The following GMEB2 variants were observed in gnomAD, a reference collection of about 807,000 sequenced individuals.
GMEB2 encodes glucocorticoid modulatory element binding protein 2, also known as glucocorticoid modulatory element-binding protein 2.
In GMEB2, 7 loss-of-function variants were observed where a neutral mutation model predicts 45.7. The observed-to-expected ratio is 0.15, with a 90% CI of 0.09 to 0.29. The LOEUF is 0.29. Among genes scored for constraint, GMEB2 ranks in the 10% least tolerant of loss-of-function variants. The pLI, the probability that GMEB2 is intolerant of heterozygous loss-of-function variation, is 1.00. For missense variants in GMEB2, 582 were observed against 739.2 expected (o/e 0.79, Z 2.47); for synonymous variants, 322 against 323.6 (o/e 1.00, Z 0.05).
intron 2 of GMEB2, among the ~76,000 whole-genome samples, chr20:63,610,334 A>C (rs2089559620): frequency 6.6e-6 from 1 of 152,186 alleles, no homozygotes; most frequent in South Asian, 2.1e-4. Context: ...ATCCTGGCTA[A>C]CACGGTGAAA....
intron 1 of GMEB2, among the ~76,000 whole-genome samples, chr20:63,626,698 G>A (rs1159284414): frequency 3.3e-5 from 5 of 151,250 alleles, no homozygotes; most frequent in East Asian, 1.9e-4. Context: ...GCCGCTGGAG[G>A]CCGAGCCCGC....
Position 63,608,921 on chromosome 20 carries a change from C to T in GMEB2, c.132-4081G>A, listed in dbSNP as rs2089543246. ...CTGACCTCACCTCCATTTCTAGAAACATGCCCCTGTGACCCCACCTCCATT... is the reference window on the plus strand; with the variant it reads ...CTGACCTCACCTCCATTTCTAGAAATATGCCCCTGTGACCCCACCTCCATT... On this transcript the variant is annotated intron_variant, in intron 2 of 9. Coordinates refer to ENST00000370077, the MANE Select transcript of GMEB2 (RefSeq NM_012384.5). Among the ~76,000 whole-genome samples, 2 of 25,340 alleles carry T rather than the reference C, an allele frequency of 7.9e-5. 1 individual carries two copies. Among genetic ancestry groups the T allele is most frequent in the Non-Finnish European group, 3.6e-4 (2 of 5,518 alleles). 16.6% of individuals were successfully genotyped at this position (25,340 alleles called of 152,430 possible).
chr20:63,595,005 G>A (rs1414647454), intron 6 of GMEB2, among the ~76,000 whole-genome samples: 4 of 152,164 alleles, frequency 2.6e-5, no homozygotes, highest in Non-Finnish European at 5.9e-5. Flanking sequence ...AAAGTGCTGG[G>A]GTTACAGGTG....
At chr20:63,625,577 C>T (rs1289254635) in intron 1 of GMEB2, among the ~76,000 whole-genome samples, 1 of 151,738 alleles carries the variant, frequency 6.6e-6, no homozygotes, top group Non-Finnish European at 1.5e-5. Flanking sequence ...TTAGGTAAAT[C>T]AGATATGAGA....
intron 4 of GMEB2, among the ~76,000 whole-genome samples, chr20:63,599,823 T>C (rs1161616769): frequency 6.6e-6 from 1 of 152,180 alleles, no homozygotes; most frequent in African/African-American, 2.4e-5. Flanking sequence ...GTCTGCCCCC[T>C]TGCCCCCGCC....
rs1011056743 is a variant in GMEB2, at chr20:63,588,444, G to C, written c.*1645C>G. The C allele has an allele frequency of 4.0e-6, 1 of 248,980 alleles. No individual in the cohort carries two copies. Among genetic ancestry groups the C allele is most frequent in the South Asian group, 1.8e-4 (1 of 5,684 alleles). The allele number at this position is 248,980 out of a possible 1,614,324, so 15.4% of individuals were successfully genotyped here. ...CGCTGCATGCTGCAGAACTCAACTA[G>C]AGTGGAAATGAGTTTAAAACGGAGT... On this transcript the variant is annotated 3_prime_UTR_variant, in exon 10 of 10. Coordinates refer to ENST00000370077, the MANE Select transcript of GMEB2 (RefSeq NM_012384.5).
In GMEB2 at chr20:63,611,079, G is replaced by A. The variant is rs537980900; in HGVS notation, c.132-6239C>T. Among the ~76,000 whole-genome samples the A allele has an allele frequency of 1.2e-4, 19 of 152,342 alleles. No individual in the cohort carries two copies. In the East Asian group the frequency reaches 3.5e-3, roughly 28 times the overall value. ...CCTTAAGAAATGACCAGTGTCTGCTGCTTTAAGCCACCAAGCTCTGCGGTG... is the reference window on the plus strand; with the variant it reads ...CCTTAAGAAATGACCAGTGTCTGCTACTTTAAGCCACCAAGCTCTGCGGTG... On this transcript the variant is annotated intron_variant, in intron 2 of 9. Coordinates refer to ENST00000370077, the MANE Select transcript of GMEB2 (RefSeq NM_012384.5).
intron 5 of GMEB2, among the ~76,000 whole-genome samples, chr20:63,596,566 T>G (rs2083202285): frequency 6.6e-6 from 1 of 152,176 alleles, no homozygotes; most frequent in Non-Finnish European, 1.5e-5. Context: ...CAGAGGCCAG[T>G]TCAGCTGGAC....
chr20:63,625,934 G>A (rs970136758), intron 1 of GMEB2, among the ~76,000 whole-genome samples: 2 of 152,112 alleles, frequency 1.3e-5, no homozygotes, highest in Admixed American at 1.3e-4. Context: ...TGACCGGCAC[G>A]GTCAACACTG....
chr20:63,597,016 C>CA (rs11379460), intron 5 of GMEB2, among the ~76,000 whole-genome samples: 77,517 of 149,768 alleles, frequency 0.52, 20,773 homozygotes, highest in Middle Eastern at 0.66. Flanking sequence ...GACTCCCTCT[C>CA]AAAAAAAAAG....
At position 63,619,718 on chromosome 20, in the gene GMEB2, C is replaced by T. The variant is rs2146093258; in HGVS notation, c.-57-264G>A. The T allele has an allele frequency of 5.1e-6, 1 of 195,780 alleles. No homozygotes were observed. The highest frequency in any genetic ancestry group is 1.5e-4 in the East Asian group (1 of 6,630). The allele number at this position is 195,780 out of a possible 1,614,324, so 12.1% of individuals were successfully genotyped here. On this transcript the variant is annotated intron_variant, in intron 1 of 9. Coordinates refer to ENST00000370077, the MANE Select transcript of GMEB2 (RefSeq NM_012384.5). The surrounding 1 kb of genome is among the most constrained non-coding windows in gnomAD (Gnocchi z 4.6). ...AGAGCCACTCCCTCCACGTGGGGCT[C>T]AGAGCAGGAGGACAGGAGGGGCCTG...
chr20:63,594,959 G>C (rs2083181444), intron 6 of GMEB2, among the ~76,000 whole-genome samples: 2 of 152,292 alleles, frequency 1.3e-5, no homozygotes, highest in South Asian at 4.1e-4. Context: ...CTGTTGGCCA[G>C]GCTGGCCTCA....
At chr20:63,595,492 C>T in intron 6 of GMEB2, 118 bp downstream of exon 6, 1 of 850,938 alleles carries the variant, frequency 1.2e-6, no homozygotes, top group Non-Finnish European at 1.8e-6. Context: ...AGGCAGGAGA[C>T]CGGCAGTCCT....
At chr20:63,591,712 G>T (rs184031377) in intron 9 of GMEB2, among the ~76,000 whole-genome samples, 2 of 152,170 alleles carry the variant, frequency 1.3e-5, no homozygotes, top group African/African-American at 4.8e-5. Context: ...TGATCCGCCC[G>T]CCTCGGCCTC....
rs1212595567 is a variant in GMEB2 at position 63,590,433 on chromosome 20, C to G, written c.1249G>C (p.Ala417Pro). ...STVLGKGSLQ[A>P]PPASSPASPL... The stretch of plus-strand genomic sequence containing the variant: ...GAGGCCGGGGAGCTGGCGGGGGGCG[C>G]CTGAAGGGAACCCTTGCCCAGGACG... The change falls in exon 10 of 10, where the codon GCG becomes CCG. Residue 417 changes from alanine to proline, a missense_variant. By Grantham distance (27) the Ala-to-Pro change is conservative. Coordinates refer to ENST00000370077, the MANE Select transcript of GMEB2 (RefSeq NM_012384.5). The G allele has an allele frequency of 3.9e-6, 6 of 1,548,506 alleles. No individual in the cohort carries two copies.
chr20:63,604,583 G>C (rs2146071519), intron 3 of GMEB2, among the ~76,000 whole-genome samples, 160 bp downstream of exon 3: 1 of 152,330 alleles, frequency 6.6e-6, no homozygotes, highest in Middle Eastern at 3.4e-3. Context: ...TCCACCTGGG[G>C]GACCTGGGGC....
At chr20:63,605,225 C>T (rs555109802) in intron 2 of GMEB2, among the ~76,000 whole-genome samples, 1 of 151,538 alleles carries the variant, frequency 6.6e-6, no homozygotes, top group African/African-American at 2.4e-5. Flanking sequence ...GGTGAGAGAG[C>T]GAGACTCTGT....
intron 3 of GMEB2, 39 bp downstream of exon 3, chr20:63,604,704 G>T: frequency 9.2e-7 from 1 of 1,085,558 alleles, no homozygotes; most frequent in South Asian, 1.2e-5. Context: ...TCCCTGCTGC[G>T]GCAAGAAGGC....
At chr20:63,624,428 C>CA (rs144793643) in intron 1 of GMEB2, among the ~76,000 whole-genome samples, 66,011 of 141,562 alleles carry the variant, frequency 0.47, 16,843 homozygotes, top group Middle Eastern at 0.66. Context: ...GACTCTGTCT[C>CA]AAAAAAAAAA....
Sources: allele counts gnomAD v4.1 joint callset (sites outside exome capture counted in the v4.1 genomes callset), GRCh38; gene constraint gnomAD v4.1.1; non-coding constraint Gnocchi (gnomAD v3.1); transcripts MANE v1.5; gene names NCBI Gene and HGNC (gene_info 2026-07-23, HGNC 2026-07-21).